Variants in PLAT observed in about 807,000 individuals in gnomAD.
The protein encoded by PLAT is plasminogen activator, tissue type, also known as tissue-type plasminogen activator.
PLAT carries 48 observed loss-of-function variants against 74.9 expected under a neutral mutation model. The observed-to-expected ratio is 0.64, with a 90% CI of 0.51 to 0.82. The LOEUF (loss-of-function observed/expected upper bound fraction) is 0.82. Among genes scored for constraint, PLAT ranks in the 40% least tolerant of loss-of-function variants. The pLI, the probability that PLAT is intolerant of heterozygous loss-of-function variation, is 0.00. For synonymous variants in PLAT, 307 were observed against 294.4 expected, an observed-to-expected ratio of 1.04 and a Z score of -0.44; for missense variants, 673 against 736.2, an observed-to-expected ratio of 0.91 and a Z score of 0.99.
At chr8:42,206,114 T>A (rs1202203135) in intron 1 of PLAT, among the ~76,000 whole-genome samples, 2 of 152,012 alleles carry the variant, frequency 1.3e-5, no homozygotes, top group African/African-American at 4.8e-5. Flanking sequence ...CCGACGCGAG[T>A]CATTGTGAAA....
chr8:42,176,162 GAT>G lies in PLAT; in HGVS notation c.1531-13_1531-12del. 1 of 1,609,392 alleles carries G rather than the reference GAT, an allele frequency of 6.2e-7. No individual in the cohort carries two copies. The highest frequency in any genetic ancestry group is 8.5e-7 in the Non-Finnish European group (1 of 1,176,972). ...GCCTCCCGAATCGCCCTGCAAAGGAGATAGCAGGTTTGGCGTTTGCAAAAAAA... is the reference window on the plus strand; with the variant it reads ...GCCTCCCGAATCGCCCTGCAAAGGAGAGCAGGTTTGGCGTTTGCAAAAAAA... On this transcript the variant is annotated splice_polypyrimidine_tract_variant and intron_variant, in intron 13 of 13. Coordinates refer to ENST00000220809, the MANE Select transcript of PLAT (RefSeq NM_000930.5).
rs1376306767 is a variant in PLAT at position 42,180,602 on chromosome 8, G to C, written c.973C>G (p.Gln325Glu). The C allele has an allele frequency of 6.2e-7, 1 of 1,613,388 alleles. No homozygotes were observed. Among genetic ancestry groups the C allele is most frequent in the East Asian group, 2.2e-5 (1 of 44,866 alleles). Residue 325 changes from glutamine (Q) to glutamate (E), a missense_variant, in exon 10 of 14, where the codon CAG becomes GAG. By Grantham distance (29) the Gln-to-Glu change is conservative. Coordinates refer to ENST00000220809, the MANE Select transcript of PLAT (RefSeq NM_000930.5). ...CTGTGCTTGGCAAAGATGGCAGCCTGCCAGGGGTGGGAGGCGATGTCGGCG... is the reference window on the plus strand; with the variant it reads ...CTGTGCTTGGCAAAGATGGCAGCCTCCCAGGGGTGGGAGGCGATGTCGGCG... ...LFADIASHPW[Q>E]AAIFAKHRRS...
chr8:42,205,554 A>T (rs1167951345), intron 1 of PLAT, among the ~76,000 whole-genome samples: 1 of 152,196 alleles, frequency 6.6e-6, no homozygotes, highest in Non-Finnish European at 1.5e-5. Context: ...CACTGAGCCA[A>T]CTAAGGCATA....
rs755455934 is a variant in PLAT, at chr8:42,182,019, A to G, written c.807T>C (p.Asn269=). 4.4e-6 allele frequency: 7 copies of G among 1,592,040 alleles called. No homozygotes were observed. The highest frequency in any genetic ancestry group is 1.7e-4 in the Middle Eastern group (1 of 6,048). Residue 269 remains asparagine, a synonymous_variant, in exon 9 of 14, where the codon AAT becomes AAC. Coordinates refer to ENST00000220809, the MANE Select transcript of PLAT (RefSeq NM_000930.5). Reference sequence around the variant, plus strand: ...ACCAGGGCTTGGCATCCCCATCAGGATTCCTAAATGATAAGAGAGTTTAAG... The same window carrying G: ...ACCAGGGCTTGGCATCCCCATCAGGGTTCCTAAATGATAAGAGAGTTTAAG... The part of the protein sequence containing the change: ...LGLGKHNYCR[N]PDGDAKPWCH...
chr8:42,202,287 G>A (rs531918157), intron 1 of PLAT, among the ~76,000 whole-genome samples: 6 of 151,538 alleles, frequency 4.0e-5, no homozygotes, highest in African/African-American at 1.2e-4. Flanking sequence ...CGCCCACCTC[G>A]GGCTCCCAAA....
chr8:42,189,054 T>C lies in PLAT; in HGVS notation c.133A>G (p.Lys45Glu). 3.1e-6 allele frequency: 5 copies of C among 1,613,896 alleles called. No individual in the cohort carries two copies. Among genetic ancestry groups the C allele is most frequent in the Non-Finnish European group, 4.2e-6 (5 of 1,179,814 alleles). ...RSYQVICRDE[K>E]TQMIYQQHQS... ...TGTTGCTGGTATATCATCTGCGTTT[T>C]TTCATCTCTGCAGATCACTATGAGA... The change falls in exon 4 of 14, where the codon AAA becomes GAA. Residue 45 changes from lysine (K) to glutamate (E), a missense_variant. Transcript: ENST00000220809.
Position 42,180,222 on chromosome 8 carries a change from CG to C in PLAT, c.1222+19del, listed in dbSNP as rs774164667. 9.9e-6 allele frequency: 16 copies of C among 1,613,618 alleles called. No individual in the cohort carries two copies. Among genetic ancestry groups the C allele is most frequent in the Non-Finnish European group, 1.3e-5 (15 of 1,179,802 alleles). On this transcript the variant is annotated intron_variant, in intron 11 of 13. Coordinates refer to ENST00000220809, the MANE Select transcript of PLAT (RefSeq NM_000930.5). ...TTGTGTGATCTGTATGAACTGGAGCCGGGAATGACGAGCTCTTACCAATGTC... is the reference window on the plus strand; with the variant it reads ...TTGTGTGATCTGTATGAACTGGAGCCGGAATGACGAGCTCTTACCAATGTC...
intron 7 of PLAT, chr8:42,184,788 CCATT>C (rs1805387394): frequency 8.4e-6 from 2 of 238,592 alleles, no homozygotes; most frequent in South Asian, 1.9e-4. Context: ...GGGAGAATCT[CCATT>C]CATTCTCAAA....
intron 1 of PLAT, among the ~76,000 whole-genome samples, chr8:42,194,794 A>ACCCCCC (rs8178720): frequency 3.3e-5 from 4 of 121,818 alleles, no homozygotes; most frequent in African/African-American, 1.1e-4. Flanking sequence ...CTCCACGCCC[A>ACCCCCC]CCCCCCCCAC....
intron 3 of PLAT, among the ~76,000 whole-genome samples, chr8:42,190,576 G>C (rs1178950622): frequency 1.3e-5 from 2 of 152,174 alleles, no homozygotes; most frequent in Admixed American, 6.5e-5. Flanking sequence ...AGGATAACCT[G>C]GTAGGAAGCA....
chr8:42,178,205 T>C (rs964073131), intron 13 of PLAT, among the ~76,000 whole-genome samples: 2 of 152,108 alleles, frequency 1.3e-5, no homozygotes, highest in South Asian at 4.1e-4. Context: ...CCTTTCTTCC[T>C]TCTCCTTCTA....
At chr8:42,177,994 T>C (rs1473047290) in intron 13 of PLAT, among the ~76,000 whole-genome samples, 1 of 152,256 alleles carries the variant, frequency 6.6e-6, no homozygotes, top group Non-Finnish European at 1.5e-5. Context: ...TCCTTGGCTC[T>C]GTGCAGGTCT....
chr8:42,188,876 T>G, intron 4 of PLAT, 58 bp downstream of exon 4: 1 of 1,499,272 alleles, frequency 6.7e-7, no homozygotes, highest in Non-Finnish European at 9.2e-7. Flanking sequence ...CCTCCCACCT[T>G]GGCCTCCTAA....
Position 42,189,012 on chromosome 8 carries a change from G to A in PLAT, c.175C>T (p.Pro59Ser), listed in dbSNP as rs762501048. 1 of 1,614,020 alleles carries A rather than the reference G, an allele frequency of 6.2e-7. No homozygotes were observed. Among genetic ancestry groups the A allele is most frequent in the Non-Finnish European group, 8.5e-7 (1 of 1,179,916 alleles). The change falls in exon 4 of 14, where the codon CCT (proline) becomes TCT (serine). Residue 59 changes from proline to serine, a missense_variant. Coordinates refer to ENST00000220809, the MANE Select transcript of PLAT (RefSeq NM_000930.5). ...TCCACCCGGTTGCTTCTGAGCACAGGGCGCAGCCATGACTGATGTTGCTGG... is the reference window on the plus strand; with the variant it reads ...TCCACCCGGTTGCTTCTGAGCACAGAGCGCAGCCATGACTGATGTTGCTGG... The part of the protein sequence containing the change: ...IYQQHQSWLR[P>S]VLRSNRVEYC...
Position 42,175,468 on chromosome 8 carries a change from G to A in PLAT, c.*525C>T, listed in dbSNP as rs974339189. 2 of 153,616 alleles carry A rather than the reference G, an allele frequency of 1.3e-5. No individual in the cohort carries two copies. Among genetic ancestry groups the A allele is most frequent in the African/African-American group, 4.8e-5 (2 of 41,476 alleles). The allele number at this position is 153,616 out of a possible 1,614,324, so 9.5% of individuals were successfully genotyped here. A position where few individuals can be genotyped will look rare whatever the true frequency, so the allele number is the denominator to read the frequency against. On this transcript the variant is annotated 3_prime_UTR_variant, in exon 14 of 14. Transcript: ENST00000220809. ...GAGCCAGGGAGTGGGGAAAGGGGAA[G>A]GAGACTTGACGTCAAGGGTGCTTTT...
intron 9 of PLAT, among the ~76,000 whole-genome samples, chr8:42,181,621 C>T (rs879721002): frequency 1.3e-5 from 2 of 152,192 alleles, no homozygotes; most frequent in Non-Finnish European, 2.9e-5. Flanking sequence ...CATGCGAGGC[C>T]TCCTCCTCAT....
rs1413659331 is a variant in PLAT at position 42,175,198 on chromosome 8, G to A, written c.*795C>T. The A allele has an allele frequency of 2.6e-5, 4 of 152,136 alleles. No homozygotes were observed. Among genetic ancestry groups the A allele is most frequent in the Admixed American group, 2.6e-4 (4 of 15,272 alleles). The allele number at this position is 152,136 out of a possible 1,614,324, so 9.4% of individuals were successfully genotyped here. On this transcript the variant is annotated 3_prime_UTR_variant, in exon 14 of 14. Coordinates refer to ENST00000220809, the MANE Select transcript of PLAT (RefSeq NM_000930.5). ...AAATGTGAACATGAATAAAGAGTGG[G>A]ATACAGCATCTATAACAAAACCATT...
Position 42,176,052 on chromosome 8 carries a change from C to T in PLAT, c.1630G>A (p.Gly544Ser). Residue 544 changes from glycine (G) to serine (S), a missense_variant, in exon 14 of 14, where the codon GGT becomes AGT. Physicochemically the swap from Gly to Ser is moderately conservative, Grantham distance 56. Coordinates refer to ENST00000220809, the MANE Select transcript of PLAT (RefSeq NM_000930.5). Reference protein sequence around the residue: ...GLGCGQKDVPGVYTKVTNYLD... With the variant: ...GLGCGQKDVPSVYTKVTNYLD... The stretch of plus-strand genomic sequence containing the variant: ...TAGTTGGTAACCTTGGTGTACACAC[C>T]CGGGACATCCTTCTGTCCACAGCCC... The T allele has an allele frequency of 6.2e-7, 1 of 1,614,012 alleles. No homozygotes were observed. Among genetic ancestry groups the T allele is most frequent in the Middle Eastern group, 1.6e-4 (1 of 6,062 alleles).
chr8:42,178,794 C>G, intron 13 of PLAT, 103 bp downstream of exon 13: 2 of 1,104,496 alleles, frequency 1.8e-6, no homozygotes, highest in Non-Finnish European at 2.6e-6. Context: ...AAGAGGAAAT[C>G]ACTCCACTCT....
Sources: gnomAD v4.1 joint callset for allele counts (sites outside exome capture counted in the v4.1 genomes callset) on GRCh38, gnomAD v4.1.1 for gene constraint, MANE v1.5 for transcripts, NCBI Gene and HGNC (gene_info 2026-07-23, HGNC 2026-07-21) for gene names.